RPN1: variants seen among roughly 807,000 people sequenced by gnomAD.
RPN1 encodes the protein ribophorin I.
A neutral mutation model predicts 55.5 loss-of-function variants in RPN1; 12 were observed. That is an observed-to-expected ratio of 0.22 (90% CI 0.14 to 0.35). The LOEUF (loss-of-function observed/expected upper bound fraction) is 0.35. Ranked by LOEUF, RPN1 falls within the 10% of genes least tolerant of loss-of-function variation. RPN1 has a pLI of 1.00. For missense variants in RPN1, 679 were observed against 761.3 expected, an observed-to-expected ratio of 0.89 and a Z score of 1.27; for synonymous variants, 317 against 305.9, an observed-to-expected ratio of 1.04 and a Z score of -0.38.
chr3:128,639,112 A>G (rs1420244683), intron 2 of RPN1, among the ~76,000 whole-genome samples: 1 of 152,218 alleles, frequency 6.6e-6, no homozygotes, highest in East Asian at 1.9e-4. Context: ...TGTACAATGT[A>G]AATAACGAAA....
intron 2 of RPN1, among the ~76,000 whole-genome samples, chr3:128,641,684 A>T (rs1197807842): frequency 7.1e-6 from 1 of 140,524 alleles, no homozygotes; most frequent in Non-Finnish European, 1.5e-5. Context: ...ATCTCGGCTC[A>T]CCGGAACCTC....
In RPN1 at chr3:128,624,884, G is replaced by A. The variant is rs79170758; in HGVS notation, c.1395+650C>T. Among the ~76,000 whole-genome samples, 87 of 151,952 alleles carry A rather than the reference G, an allele frequency of 5.7e-4. No homozygotes were observed. The East Asian group carries it at 0.01, about 18-fold the overall frequency. On this transcript the variant is annotated intron_variant, in intron 8 of 9. Transcript: ENST00000296255. The stretch of plus-strand genomic sequence containing the variant: ...TGTCATCACATTCCACAGTCCTCAA[G>A]CACCAGCTGTGCTCATCTCCTCCAC...
chr3:128,630,289 T>G, intron 4 of RPN1, 146 bp from the exon 5 acceptor site: 3 of 513,488 alleles, frequency 5.8e-6, no homozygotes, highest in Non-Finnish European at 1.0e-5. Context: ...CCTAAAAAAG[T>G]CTAACTTTCC....
At position 128,632,163 on chromosome 3, in the gene RPN1, A is replaced by T. The variant is rs749968104; in HGVS notation, c.634-6T>A. ...TAATGTACTTTAAAAGTATCCTGGA[A>T]GGAAGGAAACAAATAGTTCAAAGTT... On this transcript the variant is annotated splice_polypyrimidine_tract_variant and splice_region_variant and intron_variant, in intron 3 of 9. Coordinates refer to ENST00000296255, the MANE Select transcript of RPN1 (RefSeq NM_002950.4). 4 of 1,614,062 alleles carry T rather than the reference A, an allele frequency of 2.5e-6. No homozygotes were observed. In the South Asian group the frequency reaches 4.4e-5, roughly 18 times the overall value.
intron 3 of RPN1, among the ~76,000 whole-genome samples, chr3:128,633,482 G>A (rs2069655586): frequency 6.6e-6 from 1 of 151,914 alleles, no homozygotes; most frequent in Admixed American, 6.6e-5. Flanking sequence ...CCAAAGTGCT[G>A]GGATTACAAG....
At chr3:128,643,858 G>A (rs954416141) in intron 2 of RPN1, among the ~76,000 whole-genome samples, 2 of 151,630 alleles carry the variant, frequency 1.3e-5, no homozygotes, top group Non-Finnish European at 2.9e-5. Flanking sequence ...AGATACTCGG[G>A]AGCCTGAGGC....
At chr3:128,628,377 G>C (rs537816767) in intron 5 of RPN1, among the ~76,000 whole-genome samples, 8 of 151,296 alleles carry the variant, frequency 5.3e-5, no homozygotes, top group African/African-American at 1.9e-4. Flanking sequence ...AGGAATTAAG[G>C]CTAATTAAGA....
intron 2 of RPN1, chr3:128,642,333 A>C (rs2069732221): frequency 6.6e-6 from 1 of 152,208 alleles, no homozygotes; most frequent in Non-Finnish European, 1.5e-5. Flanking sequence ...GTTGCTGTAC[A>C]TGAACTCAAA....
At chr3:128,628,660 C>T (rs1328817659) in intron 5 of RPN1, among the ~76,000 whole-genome samples, 1 of 117,646 alleles carries the variant, frequency 8.5e-6, no homozygotes, top group African/African-American at 3.1e-5. Context: ...AAGCAATCCT[C>T]CCACCTCAGC....
chr3:128,626,692 C>A, intron 6 of RPN1, 41 bp downstream of exon 6: 1 of 1,571,300 alleles, frequency 6.4e-7, no homozygotes, highest in Non-Finnish European at 8.8e-7. Context: ...AGGGTACAAC[C>A]AGAGAAATCG....
At chr3:128,627,156 A>C (rs13073339) in intron 5 of RPN1, 1 of 330,182 alleles carries the variant, frequency 3.0e-6, no homozygotes, top group Non-Finnish European at 5.9e-6. Context: ...GATTCCCTAG[A>C]GAGCACAGCA....
intron 2 of RPN1, among the ~76,000 whole-genome samples, chr3:128,643,971 C>T (rs991038796): frequency 2.6e-5 from 4 of 152,144 alleles, no homozygotes; most frequent in African/African-American, 7.2e-5. Flanking sequence ...CCAGGCTCCA[C>T]GCTAGGTGCT....
Position 128,632,663 on chromosome 3 carries a change from C to T in RPN1, c.634-506G>A, listed in dbSNP as rs549515559. ...AGGCTGGAGTACAATGGTACAACCT[C>T]AGCTCACTGCAACCTCCGCCTCCTG... On this transcript the variant is annotated intron_variant, in intron 3 of 9. Coordinates refer to ENST00000296255, the MANE Select transcript of RPN1 (RefSeq NM_002950.4). 3.8e-4 allele frequency among the ~76,000 whole-genome samples: 58 copies of T among 151,850 alleles called. No homozygotes were observed. In the South Asian group the frequency reaches 0.012, roughly 32 times the overall value.
rs528490031 is a variant in RPN1 at position 128,620,267 on chromosome 3, G to A, written c.*144C>T. 15 of 521,984 alleles carry A rather than the reference G, an allele frequency of 2.9e-5. No homozygotes were observed. Among genetic ancestry groups the A allele is most frequent in the Admixed American group, 8.4e-5 (2 of 23,916 alleles). The allele number at this position is 521,984 out of a possible 1,614,324, so 32.3% of individuals were successfully genotyped here. A position where few individuals can be genotyped will look rare whatever the true frequency, so the allele number is the denominator to read the frequency against. Reference sequence around the variant, plus strand: ...AAACGGCAAACTCACACTGCCTGACGCAGGGCCTGGTTTCTCTTCCTTGAA... The same window carrying A: ...AAACGGCAAACTCACACTGCCTGACACAGGGCCTGGTTTCTCTTCCTTGAA... On this transcript the variant is annotated 3_prime_UTR_variant, in exon 10 of 10. Coordinates refer to ENST00000296255, the MANE Select transcript of RPN1 (RefSeq NM_002950.4).
chr3:128,648,059 G>C (rs1310021780), intron 1 of RPN1, among the ~76,000 whole-genome samples: 1 of 152,022 alleles, frequency 6.6e-6, no homozygotes. Context: ...AGGAGTTCGA[G>C]AGCAGCCTGA....
At chr3:128,650,439 A>G in intron 1 of RPN1, 101 bp downstream of exon 1, 1 of 1,234,086 alleles carries the variant, frequency 8.1e-7, no homozygotes, top group Non-Finnish European at 1.1e-6. Flanking sequence ...GGGTCTCCGC[A>G]TTTCCTGAGG....
Position 128,650,703 on chromosome 3 carries a change from T to C in RPN1, c.98A>G (p.Asn33Ser), listed in dbSNP as rs151009188. The stretch of plus-strand genomic sequence containing the variant: ...GTCCACTGTGCGCTTCACGTCCTCA[T>C]TGATCAGCGGCGGTGCCTCGGAGGA... ...SASSEAPPLI[N>S]EDVKRTVDLS... Residue 33 changes from asparagine to serine, a missense_variant, in exon 1 of 10, where the codon AAT becomes AGT. Physicochemically the swap from Asn to Ser is conservative, Grantham distance 46 (BLOSUM62 1). Transcript: ENST00000296255. 8.2e-5 allele frequency: 128 copies of C among 1,569,248 alleles called. No homozygotes were observed. Among genetic ancestry groups the C allele is most frequent in the South Asian group, 2.7e-4 (23 of 85,570 alleles).
intron 1 of RPN1, among the ~76,000 whole-genome samples, chr3:128,645,184 G>A (rs539101259): frequency 1.4e-3 from 215 of 152,054 alleles, no homozygotes; most frequent in Non-Finnish European, 2.5e-3. Context: ...TTACAAAGTG[G>A]CATATGGCCA....
chr3:128,649,597 T>G (rs2069798379), intron 1 of RPN1, among the ~76,000 whole-genome samples: 1 of 152,224 alleles, frequency 6.6e-6, no homozygotes, highest in Non-Finnish European at 1.5e-5. Flanking sequence ...GACTATTCTC[T>G]CAACAAATAA....
Sources: allele counts gnomAD v4.1 joint callset (sites outside exome capture counted in the v4.1 genomes callset), GRCh38; gene constraint gnomAD v4.1.1; transcripts MANE v1.5; gene names NCBI Gene and HGNC (gene_info 2026-07-23, HGNC 2026-07-21).